Variants in PRKG1 observed in about 807,000 individuals in gnomAD.
PRKG1 encodes the protein cGMP-dependent protein kinase 1.
PRKG1 carries 35 observed loss-of-function variants against 88.1 expected under a neutral mutation model. That is an observed-to-expected ratio of 0.40 (90% confidence interval 0.30 to 0.53). The LOEUF (loss-of-function observed/expected upper bound fraction) is 0.53, where lower values mean the gene tolerates loss of function less well. Among genes scored for constraint, PRKG1 ranks in the 20% least tolerant of loss-of-function variants. The probability of loss-of-function intolerance (pLI) is 0.59; values close to 1 mark genes in which losing one functional copy is unlikely to be tolerated. For synonymous variants in PRKG1, 303 were observed against 292.5 expected, an observed-to-expected ratio of 1.04 and a Z score of -0.37; for missense variants, 540 against 839.8, an observed-to-expected ratio of 0.64 and a Z score of 4.41.
intron 9 of PRKG1, among the ~76,000 whole-genome samples, chr10:52,172,664 T>C (rs1377482060): frequency 6.6e-6 from 1 of 152,256 alleles, no homozygotes; most frequent in East Asian, 1.9e-4. Flanking sequence ...AGGCAGTCTC[T>C]ATTATTGGAG....
intron 3 of PRKG1, among the ~76,000 whole-genome samples, chr10:51,568,269 A>G (rs75590660): frequency 0.031 from 4,749 of 152,246 alleles, 133 homozygotes; most frequent in African/African-American, 0.072. Flanking sequence ...AAATGCATAT[A>G]TAGTGCAGGG....
intron 5 of PRKG1, among the ~76,000 whole-genome samples, chr10:51,949,756 C>T (rs1843140522): frequency 6.6e-6 from 1 of 152,234 alleles, no homozygotes; most frequent in Non-Finnish European, 1.5e-5. Context: ...TTCGACTTAC[C>T]TGCAGACATA....
intron 1 of PRKG1, among the ~76,000 whole-genome samples, chr10:51,117,189 T>C (rs970339626): frequency 3.3e-5 from 5 of 152,200 alleles, no homozygotes; most frequent in Non-Finnish European, 7.3e-5. Flanking sequence ...ACCTGGACTC[T>C]TAAACACAGC....
intron 2 of PRKG1, among the ~76,000 whole-genome samples, chr10:51,373,734 T>C (rs906714888): frequency 1.3e-5 from 2 of 152,184 alleles, no homozygotes; most frequent in African/African-American, 4.8e-5. Flanking sequence ...AACAAGATCA[T>C]GTCCTTTGCA....
chr10:51,538,748 GA>G (rs1375686741), intron 3 of PRKG1, among the ~76,000 whole-genome samples: 1 of 150,776 alleles, frequency 6.6e-6, no homozygotes, highest in Non-Finnish European at 1.5e-5. Flanking sequence ...AAGAGAAGAA[GA>G]AAATAATTGG....
chr10:51,602,232 G>C (rs919849144), intron 3 of PRKG1, among the ~76,000 whole-genome samples: 2 of 152,108 alleles, frequency 1.3e-5, no homozygotes, highest in Non-Finnish European at 2.9e-5. Context: ...CATGTCATTT[G>C]TGTCTAAACT....
intron 2 of PRKG1, among the ~76,000 whole-genome samples, chr10:51,272,354 C>G (rs184165239): frequency 1.6e-4 from 23 of 141,506 alleles, no homozygotes; most frequent in African/African-American, 6.4e-4. Flanking sequence ...CTGGGCTTAT[C>G]GTGGGGTGGG....
chr10:51,598,706 C>T (rs1838521244), intron 3 of PRKG1, among the ~76,000 whole-genome samples: 1 of 152,108 alleles, frequency 6.6e-6, no homozygotes, highest in Admixed American at 6.6e-5. Context: ...GCATTAAATG[C>T]TCAGTAGAAC....
At chr10:52,264,187 C>CA (rs5784916) in intron 10 of PRKG1, among the ~76,000 whole-genome samples, 1 of 152,088 alleles carries the variant, frequency 6.6e-6, no homozygotes, top group Non-Finnish European at 1.5e-5. Flanking sequence ...TTTCTGGCAA[C>CA]GGGAATATTG....
intron 2 of PRKG1, among the ~76,000 whole-genome samples, chr10:51,163,161 G>A (rs1366346157): frequency 6.6e-6 from 1 of 152,128 alleles, no homozygotes; most frequent in Non-Finnish European, 1.5e-5. Context: ...GTGAAACTCT[G>A]TCTCAAACAA....
At chr10:51,478,628 G>A (rs1435337321) in intron 3 of PRKG1, among the ~76,000 whole-genome samples, 1 of 151,220 alleles carries the variant, frequency 6.6e-6, no homozygotes, top group Non-Finnish European at 1.5e-5. Context: ...GCCTTTTATT[G>A]TCGTTTAATA....
intron 1 of PRKG1, among the ~76,000 whole-genome samples, chr10:51,109,091 A>C (rs1402585012): frequency 2.0e-5 from 3 of 152,134 alleles, no homozygotes; most frequent in Non-Finnish European, 2.9e-5. Flanking sequence ...ATTAGAGAAA[A>C]ATAAGTAAAT....
chr10:51,859,147 A>G (rs970033805), intron 4 of PRKG1, among the ~76,000 whole-genome samples: 1 of 152,188 alleles, frequency 6.6e-6, no homozygotes, highest in Admixed American at 6.5e-5. Flanking sequence ...AAATCCATAA[A>G]TTTGATTCCC....
chr10:51,297,301 A>G (rs1429655607), intron 2 of PRKG1, among the ~76,000 whole-genome samples: 1 of 152,084 alleles, frequency 6.6e-6, no homozygotes, highest in African/African-American at 2.4e-5. Context: ...CCACTTCTAG[A>G]TGGTGAACCT....
At chr10:51,554,598 C>T (rs910958192) in intron 3 of PRKG1, among the ~76,000 whole-genome samples, 1 of 151,392 alleles carries the variant, frequency 6.6e-6, no homozygotes, top group African/African-American at 2.4e-5. Context: ...GATTCTTCCT[C>T]TGTGGTCCAG....
chr10:51,366,576 T>C (rs529047961), intron 2 of PRKG1, among the ~76,000 whole-genome samples: 2 of 152,070 alleles, frequency 1.3e-5, no homozygotes, highest in Admixed American at 6.6e-5. Flanking sequence ...ATCTCCAGAT[T>C]CTATCTCTCT....
chr10:52,160,435 T>C (rs1173531139), intron 8 of PRKG1, among the ~76,000 whole-genome samples: 1 of 152,028 alleles, frequency 6.6e-6, no homozygotes, highest in Non-Finnish European at 1.5e-5. Context: ...TATTCTTGAA[T>C]ATGATTCTTG....
chr10:51,893,740 C>T (rs1324264067), intron 4 of PRKG1, among the ~76,000 whole-genome samples: 1 of 152,150 alleles, frequency 6.6e-6, no homozygotes, highest in Non-Finnish European at 1.5e-5. Context: ...ATAATAACAA[C>T]AACACCATGA....
intron 5 of PRKG1, among the ~76,000 whole-genome samples, chr10:52,047,625 A>T (rs1012497641): frequency 1.4e-4 from 21 of 152,112 alleles, no homozygotes; most frequent in African/African-American, 5.1e-4. Flanking sequence ...TTTAACAAAC[A>T]CAAAAGTCCA....
Sources: gnomAD v4.1 joint callset for allele counts (sites outside exome capture counted in the v4.1 genomes callset) on GRCh38, gnomAD v4.1.1 for gene constraint, MANE v1.5 for transcripts, NCBI Gene and HGNC (gene_info 2026-07-23, HGNC 2026-07-21) for gene names.